Variants in ZPBP observed in about 807,000 individuals in gnomAD.
ZPBP encodes zona pellucida binding protein.
A neutral mutation model predicts 44.8 loss-of-function variants in ZPBP; 26 were observed. That is an observed-to-expected ratio of 0.58 (90% CI 0.43 to 0.81). The LOEUF is 0.81. Ranked by LOEUF, ZPBP falls within the 30% of genes least tolerant of loss-of-function variation. The probability of loss-of-function intolerance (pLI) is 0.00; values close to 1 mark genes in which losing one functional copy is unlikely to be tolerated. For missense variants in ZPBP, 409 were observed against 434.0 expected, an observed-to-expected ratio of 0.94 and a Z score of 0.51; for synonymous variants, 174 against 153.2, an observed-to-expected ratio of 1.14 and a Z score of -1.00.
At chr7:50,074,019 C>T (rs1207694367) in intron 3 of ZPBP, among the ~76,000 whole-genome samples, 1 of 152,026 alleles carries the variant, frequency 6.6e-6, no homozygotes, top group Non-Finnish European at 1.5e-5. Context: ...AACACTGTAA[C>T]TGTGATGTGT....
Position 49,983,370 on chromosome 7 carries a change from C to A in ZPBP, c.933G>T (p.Gln311His). ...AGCACTCAGGACATTTTGGATGTTG[C>A]TGGACATTCATTCCATATCCTGGAA... is the stretch of plus-strand genomic sequence containing the variant. ...RCFPGYGMNV[Q>H]QHPKCPECCV... The change falls in exon 7 of 8, where the codon CAG becomes CAT. Residue 311 changes from glutamine (Q) to histidine (H), a missense_variant. This residue lies in a region of ZPBP where 42 missense variants were observed against 71.0 expected (regional missense o/e 0.59). Transcript: ENST00000046087. 1 of 1,613,368 alleles carries A rather than the reference C, an allele frequency of 6.2e-7. No homozygotes were observed. The highest frequency in any genetic ancestry group is 1.1e-5 in the South Asian group (1 of 91,052).
At chr7:50,065,820 G>A (rs1161786857) in intron 3 of ZPBP, among the ~76,000 whole-genome samples, 1 of 151,006 alleles carries the variant, frequency 6.6e-6, no homozygotes, top group Non-Finnish European at 1.5e-5. Flanking sequence ...GGATGCATTT[G>A]AGTCCTTCTA....
At chr7:50,053,941 A>G (rs988834137) in intron 4 of ZPBP, among the ~76,000 whole-genome samples, 2 of 152,062 alleles carry the variant, frequency 1.3e-5, no homozygotes, top group African/African-American at 4.8e-5. Context: ...CTAGGCTGGA[A>G]TACAGTGGCA....
chr7:50,056,189 T>C lies in ZPBP; in HGVS notation c.487+1800A>G, dbSNP rs182921876. 2.8e-4 allele frequency: 42 copies of C among 152,312 alleles called. 1 individual carries two copies. Among genetic ancestry groups the C allele is most frequent in the Admixed American group, 2.0e-3 (31 of 15,296 alleles). The allele number at this position is 152,312 out of a possible 1,614,324, so 9.4% of individuals were successfully genotyped here. Reference sequence around the variant, plus strand: ...TAAACAACACAAATTTATTACCTTATGGCTCTGGAGATCAGAAATCCAAAA... The same window carrying C: ...TAAACAACACAAATTTATTACCTTACGGCTCTGGAGATCAGAAATCCAAAA... On this transcript the variant is annotated intron_variant, in intron 4 of 7. Coordinates refer to ENST00000046087, the MANE Select transcript of ZPBP (RefSeq NM_007009.3).
At chr7:49,855,270 T>C (rs1317769802) in intron 2 of ZPBP, among the ~76,000 whole-genome samples, 1 of 152,184 alleles carries the variant, frequency 6.6e-6, no homozygotes, top group Non-Finnish European at 1.5e-5. Context: ...CACTGGGTCA[T>C]AGTTTATGGA....
intron 2 of ZPBP, among the ~76,000 whole-genome samples, chr7:49,866,370 A>G (rs949751201): frequency 6.6e-6 from 1 of 152,114 alleles, no homozygotes; most frequent in African/African-American, 2.4e-5. Flanking sequence ...CCCCTGCCTT[A>G]CACTCTGTCC....
intron 6 of ZPBP, among the ~76,000 whole-genome samples, chr7:50,001,907 T>A (rs1269294979): frequency 2.6e-5 from 4 of 152,154 alleles, no homozygotes. Flanking sequence ...ATTTATTTTG[T>A]ATGCATGTAT....
At chr7:49,937,369 T>C, downstream of ZPBP, 2 of 611,210 alleles carry the variant, frequency 3.3e-6, no homozygotes, top group Non-Finnish European at 5.8e-6. Flanking sequence ...ACTAGAGGAT[T>C]TTCATCCTCA....
chr7:49,998,567 C>G (rs1797961387), intron 6 of ZPBP, among the ~76,000 whole-genome samples: 1 of 152,190 alleles, frequency 6.6e-6, no homozygotes, highest in Non-Finnish European at 1.5e-5. Flanking sequence ...CAAGTATCCA[C>G]AGTACATAAT....
In ZPBP at chr7:50,018,419, T is replaced by C. The variant is rs1474416683; in HGVS notation, c.707-103A>G. The C allele has an allele frequency of 7.2e-6, 7 of 974,298 alleles. No individual in the cohort carries two copies. The African/African-American group carries it at 8.3e-5, about 11-fold the overall frequency. The allele number at this position is 974,298 out of a possible 1,614,324, so 60.4% of individuals were successfully genotyped here. ...AGGATATTCTAACATTTCTCTTCCATTAAAATATTAAGCAATTTTCCTAGT... is the reference window on the plus strand; with the variant it reads ...AGGATATTCTAACATTTCTCTTCCACTAAAATATTAAGCAATTTTCCTAGT... On this transcript the variant is annotated intron_variant, in intron 5 of 7. Coordinates refer to ENST00000046087, the MANE Select transcript of ZPBP (RefSeq NM_007009.3).
chr7:49,985,959 G>A lies in ZPBP; in HGVS notation c.784-2440C>T, dbSNP rs902356650. On this transcript the variant is annotated intron_variant, in intron 6 of 7. Transcript: ENST00000046087. ...TATGCAATCTGTGAGTTGGGAGCCT[G>A]CTGGCAGAACCCCTTTTTTTTCACT... 2.0e-5 allele frequency among the ~76,000 whole-genome samples: 3 copies of A among 152,304 alleles called. No individual in the cohort carries two copies. The East Asian group carries it at 5.8e-4, about 29-fold the overall frequency.
At chr7:49,962,746 A>G (rs1289119456) in intron 7 of ZPBP, among the ~76,000 whole-genome samples, 1 of 151,906 alleles carries the variant, frequency 6.6e-6, no homozygotes, top group Non-Finnish European at 1.5e-5. Flanking sequence ...AATCAAAAAT[A>G]AACTATTAGA....
intron 6 of ZPBP, among the ~76,000 whole-genome samples, chr7:50,002,636 G>A (rs1798148521): frequency 6.6e-6 from 1 of 152,164 alleles, no homozygotes; most frequent in Non-Finnish European, 1.5e-5. Context: ...GGTCAGAAAT[G>A]CTACTTCTTA....
intron 6 of ZPBP, among the ~76,000 whole-genome samples, chr7:49,987,833 AT>A (rs1198544965): frequency 1.3e-5 from 2 of 151,978 alleles, no homozygotes; most frequent in Non-Finnish European, 2.9e-5. Context: ...TGGATCAAAT[AT>A]TTTTTAAAAG....
chr7:49,991,271 A>G (rs1583996497), intron 6 of ZPBP, among the ~76,000 whole-genome samples: 1 of 152,164 alleles, frequency 6.6e-6, no homozygotes, highest in Non-Finnish European at 1.5e-5. Context: ...GTCTCTACAG[A>G]TAACTATAAA....
At chr7:49,973,774 A>G (rs1400868049) in intron 7 of ZPBP, among the ~76,000 whole-genome samples, 1 of 152,032 alleles carries the variant, frequency 6.6e-6, no homozygotes, top group Non-Finnish European at 1.5e-5. Flanking sequence ...GAAAAGTTTG[A>G]CCTCTCATAG....
At chr7:50,043,163 GT>G (rs1412569743) in intron 4 of ZPBP, among the ~76,000 whole-genome samples, 1 of 152,150 alleles carries the variant, frequency 6.6e-6, no homozygotes, top group African/African-American at 2.4e-5. Flanking sequence ...CCCATCCCTT[GT>G]TTCGTCCCAT....
intron 4 of ZPBP, among the ~76,000 whole-genome samples, chr7:50,048,267 T>C (rs1259684576): frequency 1.3e-5 from 2 of 152,118 alleles, no homozygotes; most frequent in Non-Finnish European, 2.9e-5. Flanking sequence ...GATAATTCAA[T>C]ATTAATTGGA....
intron 4 of ZPBP, among the ~76,000 whole-genome samples, chr7:50,051,756 C>A (rs545719375): frequency 6.6e-6 from 1 of 152,108 alleles, no homozygotes; most frequent in East Asian, 1.9e-4. Flanking sequence ...GGGAGCTGAA[C>A]AATGAGAACA....
Sources: allele counts gnomAD v4.1 joint callset (sites outside exome capture counted in the v4.1 genomes callset), GRCh38; gene constraint gnomAD v4.1.1; regional missense constraint gnomAD v4.1.1; transcripts MANE v1.5; gene names NCBI Gene and HGNC (gene_info 2026-07-23, HGNC 2026-07-21).